The following PPP2R5C variants were observed in gnomAD, a reference collection of about 807,000 sequenced individuals.
PPP2R5C encodes the protein serine/threonine-protein phosphatase 2A 56 kDa regulatory subunit gamma isoform.
A neutral mutation model predicts 68.9 loss-of-function variants in PPP2R5C; 7 were observed. The ratio of observed to expected loss-of-function variants is 0.10; its 90% CI spans 0.06 to 0.19. The LOEUF (loss-of-function observed/expected upper bound fraction) is 0.19. PPP2R5C is among the 10% of genes least tolerant of loss of function. The pLI, the probability that PPP2R5C is intolerant of heterozygous loss-of-function variation, is 1.00. For synonymous variants in PPP2R5C, 210 were observed against 222.2 expected, an observed-to-expected ratio of 0.95 and a Z score of 0.49; for missense variants, 348 against 641.3, an observed-to-expected ratio of 0.54 and a Z score of 4.94.
At chr14:101,850,440 T>G (rs1282535298) in intron 1 of PPP2R5C, among the ~76,000 whole-genome samples, 2 of 152,216 alleles carry the variant, frequency 1.3e-5, no homozygotes. Context: ...TTGCACATTT[T>G]GAGAAGAAAA....
chr14:101,777,252 C>G (rs1177133015), intron 2 of PPP2R5C, among the ~76,000 whole-genome samples: 1 of 152,088 alleles, frequency 6.6e-6, no homozygotes, highest in Admixed American at 6.5e-5. Context: ...GTGAATAATG[C>G]GCTGTGAACA....
At chr14:101,914,987 C>T (rs1269744822) in intron 12 of PPP2R5C, among the ~76,000 whole-genome samples, 1 of 152,186 alleles carries the variant, frequency 6.6e-6, no homozygotes, top group Non-Finnish European at 1.5e-5. Context: ...GGGTCTGGGA[C>T]GGATGCCTGC....
intron 8 of PPP2R5C, among the ~76,000 whole-genome samples, chr14:101,901,012 T>G (rs1410752898): frequency 6.6e-6 from 1 of 152,218 alleles, no homozygotes; most frequent in Non-Finnish European, 1.5e-5. Context: ...GTTAATAAGG[T>G]CAGCTTAATT....
chr14:101,873,259 A>G (rs2043536030), intron 2 of PPP2R5C, among the ~76,000 whole-genome samples: 1 of 152,102 alleles, frequency 6.6e-6, no homozygotes, highest in African/African-American at 2.4e-5. Context: ...TTTTCTTCTC[A>G]TTATAAATCC....
intron 1 of PPP2R5C, chr14:101,818,772 T>A (rs2039868491): frequency 2.3e-6 from 1 of 427,396 alleles, no homozygotes. Flanking sequence ...GTCCCAACTA[T>A]AACCTTATAT....
At chr14:101,779,391 G>A (rs2037569348) in intron 2 of PPP2R5C, among the ~76,000 whole-genome samples, 1 of 152,182 alleles carries the variant, frequency 6.6e-6, no homozygotes, top group South Asian at 2.1e-4. Flanking sequence ...GTGGGGCCTG[G>A]CTGCGTGTAT....
At chr14:101,911,413 C>T (rs1262146364) in intron 11 of PPP2R5C, among the ~76,000 whole-genome samples, 3 of 152,210 alleles carry the variant, frequency 2.0e-5, no homozygotes, top group Admixed American at 6.5e-5. Flanking sequence ...ACAGACCAGC[C>T]ATTCCTCTAG....
In PPP2R5C at chr14:101,781,676, C is replaced by T. The variant is rs1029609118; in HGVS notation, c.94-4342C>T. Among the ~76,000 whole-genome samples the T allele has an allele frequency of 1.3e-5, 2 of 152,160 alleles. No homozygotes were observed. The highest frequency in any genetic ancestry group is 2.4e-5 in the African/African-American group (1 of 41,436). The stretch of plus-strand genomic sequence containing the variant: ...CCAGGCCGGGGTCCCGCCTTTGCCC[C>T]GGCCTCCGCTGCCTCGCCCCGGAGC... On this transcript the variant is annotated intron_variant, in intron 2 of 14. Transcript: ENST00000328724. The surrounding 1 kb of genome is among the most constrained non-coding windows in gnomAD (Gnocchi z 6.4).
chr14:101,849,716 C>G (rs7140380), intron 1 of PPP2R5C, among the ~76,000 whole-genome samples: 34,741 of 151,250 alleles, frequency 0.23, 4,085 homozygotes, highest in African/African-American at 0.26. Flanking sequence ...TTCTTTCTTT[C>G]TTCTTTTCTT....
rs112348921 is a variant in PPP2R5C at position 101,903,674 on chromosome 14, AT to A, written c.1023+1799del. On this transcript the variant is annotated intron_variant, in intron 9 of 13. Coordinates refer to ENST00000334743, the Ensembl canonical transcript of PPP2R5C. ...TATGCATAAGGCCAACTCATTCTTA[AT>A]TTTTTTTTTTTTTCCTTTGAGATGG... is the stretch of plus-strand genomic sequence containing the variant. Among the ~76,000 whole-genome samples, 551 of 144,554 alleles carry A rather than the reference AT, an allele frequency of 3.8e-3. 6 individuals are homozygous for A. The East Asian group carries it at 0.045, about 12-fold the overall frequency. 94.8% of individuals were successfully genotyped at this position (144,554 alleles called of 152,430 possible).
intron 2 of PPP2R5C, among the ~76,000 whole-genome samples, chr14:101,774,834 C>T (rs1408186594): frequency 1.3e-5 from 2 of 152,122 alleles, no homozygotes; most frequent in Non-Finnish European, 1.5e-5. Flanking sequence ...ATCAGTAAAC[C>T]TTTTTCTGTA....
exon 1 of PPP2R5C, chr14:101,809,905 G>T (rs1319121972): frequency 5.0e-6 from 8 of 1,602,440 alleles, no homozygotes; most frequent in African/African-American, 1.4e-5. Flanking sequence ...CTGGTTTCTT[G>T]CCTTAAGGAG....
Position 101,835,171 on chromosome 14 carries a change from G to A in PPP2R5C, c.95-21515G>A, listed in dbSNP as rs1486079170. On this transcript the variant is annotated intron_variant, in intron 1 of 13. Transcript: ENST00000334743. The surrounding 1 kb of genome is among the most constrained non-coding windows in gnomAD (Gnocchi z 5.0). ...GGCTGGACACTGGGCTGCTCCTCAT[G>A]GCGGTGGGAGCATGGGCTGCTCAGC... 2.0e-5 allele frequency among the ~76,000 whole-genome samples: 3 copies of A among 152,232 alleles called. No homozygotes were observed. The highest frequency in any genetic ancestry group is 2.1e-4 in the South Asian group (1 of 4,830).
intron 8 of PPP2R5C, among the ~76,000 whole-genome samples, chr14:101,900,098 G>A (rs980070666): frequency 2.0e-5 from 3 of 151,454 alleles, no homozygotes; most frequent in Admixed American, 2.0e-4. Flanking sequence ...CGGTGCCCAG[G>A]TCGGTCTCGA....
intron 10 of PPP2R5C, among the ~76,000 whole-genome samples, chr14:101,908,717 C>T (rs1443587271): frequency 2.0e-5 from 3 of 151,866 alleles, no homozygotes; most frequent in Non-Finnish European, 4.4e-5. Context: ...GACAACAAAG[C>T]CCCTGGAGTG....
intron 1 of PPP2R5C, among the ~76,000 whole-genome samples, chr14:101,828,215 G>A (rs1414101123): frequency 6.6e-6 from 1 of 152,160 alleles, no homozygotes; most frequent in East Asian, 1.9e-4. Context: ...ACAGAAAGCA[G>A]ATTAGAGGTT....
chr14:101,884,327 A>G (rs576027789), intron 5 of PPP2R5C, among the ~76,000 whole-genome samples: 1 of 152,242 alleles, frequency 6.6e-6, no homozygotes, highest in South Asian at 2.1e-4. Context: ...CTCAAATGTT[A>G]ATCTCCTTTG....
rs1192243783 is a variant in PPP2R5C, at chr14:101,901,569, C to A, written c.853-150C>A. Reference sequence around the variant, plus strand: ...AAATACAGAAAATCACATATGATGACTGAGTCACTGTTCCCTCTGTAAGGA... The same window carrying A: ...AAATACAGAAAATCACATATGATGAATGAGTCACTGTTCCCTCTGTAAGGA... On this transcript the variant is annotated intron_variant, in intron 8 of 13. Coordinates refer to ENST00000334743, the Ensembl canonical transcript of PPP2R5C. 5.6e-6 allele frequency: 4 copies of A among 708,230 alleles called. No individual in the cohort carries two copies. In the East Asian group the frequency reaches 8.1e-5, roughly 14 times the overall value. 43.9% of individuals were successfully genotyped at this position (708,230 alleles called of 1,614,324 possible).
rs574032770 is a variant in PPP2R5C at position 101,823,564 on chromosome 14, C to T, written c.94+13528C>T. The T allele has an allele frequency of 8.1e-5, 14 of 172,738 alleles. No homozygotes were observed. The South Asian group carries it at 2.5e-3, about 31-fold the overall frequency. The allele number at this position is 172,738 out of a possible 1,614,324, so 10.7% of individuals were successfully genotyped here. ...TGGAACCTTTTTCATCTTCAAAGCT[C>T]CTCGCAAAAGGGTTCATTAACCGTC... On this transcript the variant is annotated intron_variant, in intron 1 of 13. Coordinates refer to ENST00000334743, the Ensembl canonical transcript of PPP2R5C.
Sources: gnomAD v4.1 joint callset for allele counts (sites outside exome capture counted in the v4.1 genomes callset) on GRCh38, gnomAD v4.1.1 for gene constraint, Gnocchi (gnomAD v3.1) non-coding constraint, MANE v1.5 for transcripts, NCBI Gene and HGNC (gene_info 2026-07-23, HGNC 2026-07-21) for gene names.